Variants in EIPR1 observed in about 807,000 individuals in gnomAD.
The protein encoded by EIPR1 is EARP and GARP complex-interacting protein 1.
In EIPR1, 25 loss-of-function variants were observed where a neutral mutation model predicts 48.1. The observed-to-expected ratio is 0.52, with a 90% confidence interval of 0.38 to 0.73. The LOEUF is 0.73. EIPR1 is among the 30% of genes least tolerant of loss of function. The pLI is 0.00. For missense variants in EIPR1, 415 were observed against 506.2 expected (o/e 0.82, Z 1.73); for synonymous variants, 204 against 201.9 (o/e 1.01, Z -0.09).
chr2:3,245,473 A>G (rs1477497948), intron 4 of EIPR1, among the ~76,000 whole-genome samples: 2 of 152,212 alleles, frequency 1.3e-5, no homozygotes, highest in African/African-American at 4.8e-5. Context: ...TTGGCCTCCC[A>G]AAATGTTGAG....
chr2:3,289,660 C>T (rs1386747980), intron 3 of EIPR1, among the ~76,000 whole-genome samples: 1 of 152,228 alleles, frequency 6.6e-6, no homozygotes, highest in African/African-American at 2.4e-5. Context: ...GGTGTGTCAA[C>T]AGCACCCAAT....
chr2:3,296,280 C>T (rs1406438772), intron 3 of EIPR1, among the ~76,000 whole-genome samples: 2 of 113,848 alleles, frequency 1.8e-5, no homozygotes, highest in Non-Finnish European at 1.8e-5. Flanking sequence ...ATCCTCACCA[C>T]ACACAGACAC....
intron 3 of EIPR1, among the ~76,000 whole-genome samples, chr2:3,277,157 C>T (rs1667873216): frequency 6.6e-6 from 1 of 152,072 alleles, no homozygotes; most frequent in African/African-American, 2.4e-5. Flanking sequence ...GGGGAGAAAC[C>T]ACAGAAATCC....
rs1279301750 is a variant in EIPR1 at position 3,336,948 on chromosome 2, GGGAAGAGAAAAGGGAAA to G, written c.259+1052_259+1068del. 1.1e-3 allele frequency among the ~76,000 whole-genome samples: 111 copies of G among 105,264 alleles called. 2 individuals carry two copies. Among genetic ancestry groups the G allele is most frequent in the African/African-American group, 3.0e-3 (79 of 26,306 alleles). 69.1% of individuals were successfully genotyped at this position (105,264 alleles called of 152,430 possible). A position where few individuals can be genotyped will look rare whatever the true frequency, so the allele number is the denominator to read the frequency against. ...GAAGGGAAGGGAAAAGGGAAGGGAA[GGGAAGAGAAAAGGGAAA>G]GGAAGGGAAAAGGGAAGGGAAAGGA... On this transcript the variant is annotated intron_variant, in intron 3 of 8. Transcript: ENST00000382125.
chr2:3,245,887 C>T (rs925772395), intron 4 of EIPR1, among the ~76,000 whole-genome samples: 1 of 152,186 alleles, frequency 6.6e-6, no homozygotes, highest in Non-Finnish European at 1.5e-5. Flanking sequence ...AGGGAGACCT[C>T]ATCTCTGCCT....
intron 4 of EIPR1, among the ~76,000 whole-genome samples, chr2:3,222,387 G>C (rs1665924196): frequency 6.6e-6 from 1 of 152,136 alleles, no homozygotes; most frequent in African/African-American, 2.4e-5. Context: ...ATATTTCTCA[G>C]TCATATTATC....
chr2:3,240,712 C>T (rs77734025), intron 4 of EIPR1, among the ~76,000 whole-genome samples: 1,183 of 95,466 alleles, frequency 0.012, no homozygotes, highest in Admixed American at 0.018. Context: ...CAGCAGATCC[C>T]TCCTAAAGCA....
At chr2:3,360,479 C>T (rs1670826252) in intron 1 of EIPR1, among the ~76,000 whole-genome samples, 1 of 152,028 alleles carries the variant, frequency 6.6e-6, no homozygotes, top group Admixed American at 6.6e-5. Flanking sequence ...AGTCTGCCAC[C>T]ACCCTGTAGG....
chr2:3,375,776 A>G (rs551481380), intron 1 of EIPR1, among the ~76,000 whole-genome samples: 3 of 152,202 alleles, frequency 2.0e-5, no homozygotes, highest in Non-Finnish European at 4.4e-5. Flanking sequence ...AGGAACAATA[A>G]CACCTACCAA....
chr2:3,347,486 A>C (rs1371965784), intron 2 of EIPR1, among the ~76,000 whole-genome samples: 1 of 152,150 alleles, frequency 6.6e-6, no homozygotes, highest in East Asian at 1.9e-4. Flanking sequence ...GTAAGATGTG[A>C]CTTGCTCCTC....
chr2:3,377,801 A>T lies in EIPR1; in HGVS notation c.-112T>A. On this transcript the variant is annotated 5_prime_UTR_variant, in exon 1 of 9. Transcript: ENST00000382125. Reference sequence around the variant, plus strand: ...CAGCGCCCATTCATTCCCTCCCCGCAGCAAACGACTCCAAACTGGAAGTCT... The same window carrying T: ...CAGCGCCCATTCATTCCCTCCCCGCTGCAAACGACTCCAAACTGGAAGTCT... The T allele has an allele frequency of 1.8e-5, 22 of 1,244,780 alleles. No homozygotes were observed. The highest frequency in any genetic ancestry group is 2.4e-5 in the Non-Finnish European group (21 of 887,068). 77.1% of individuals were successfully genotyped at this position (1,244,780 alleles called of 1,614,324 possible). A position where few individuals can be genotyped will look rare whatever the true frequency, so the allele number is the denominator to read the frequency against.
chr2:3,366,679 A>T (rs968791299), intron 1 of EIPR1, among the ~76,000 whole-genome samples: 3 of 152,258 alleles, frequency 2.0e-5, no homozygotes, highest in Non-Finnish European at 2.9e-5. Flanking sequence ...AACTGCAAAT[A>T]AAAAAAGACC....
intron 4 of EIPR1, among the ~76,000 whole-genome samples, chr2:3,216,406 A>G (rs1665638136): frequency 6.6e-6 from 1 of 152,194 alleles, no homozygotes; most frequent in Non-Finnish European, 1.5e-5. Flanking sequence ...GTGACTTCTC[A>G]GCATGGTACC....
At chr2:3,307,743 G>A (rs1210908446) in intron 3 of EIPR1, among the ~76,000 whole-genome samples, 1 of 152,236 alleles carries the variant, frequency 6.6e-6, no homozygotes, top group East Asian at 1.9e-4. Context: ...TATAAACATA[G>A]TTATATGGAA....
At chr2:3,240,401 GC>G (rs1233421162) in intron 4 of EIPR1, among the ~76,000 whole-genome samples, 1 of 150,414 alleles carries the variant, frequency 6.6e-6, no homozygotes, top group Non-Finnish European at 1.5e-5. Flanking sequence ...CTAAAGCAAA[GC>G]CAGCAGATCC....
intron 3 of EIPR1, among the ~76,000 whole-genome samples, chr2:3,308,062 G>A (rs376564742): frequency 7.2e-5 from 11 of 152,292 alleles, no homozygotes; most frequent in African/African-American, 2.6e-4. Context: ...ACATTCCAGC[G>A]CTGGCCGACG....
intron 3 of EIPR1, among the ~76,000 whole-genome samples, chr2:3,292,826 A>G (rs995985384): frequency 7.9e-5 from 12 of 152,064 alleles, no homozygotes; most frequent in Non-Finnish European, 1.2e-4. Flanking sequence ...ACTGAAAATA[A>G]TGAGATATGA....
intron 5 of EIPR1, among the ~76,000 whole-genome samples, chr2:3,204,950 G>A (rs1665178328): frequency 6.6e-6 from 1 of 152,026 alleles, no homozygotes; most frequent in South Asian, 2.1e-4. Flanking sequence ...ACTACTTGCA[G>A]GCCGCACTCA....
chr2:3,299,442 T>C (rs1422329087), intron 3 of EIPR1, among the ~76,000 whole-genome samples: 1 of 152,170 alleles, frequency 6.6e-6, no homozygotes, highest in South Asian at 2.1e-4. Context: ...GTGATCTGAC[T>C]GGGCGCGGCC....
Sources: gnomAD v4.1 joint callset for allele counts (sites outside exome capture counted in the v4.1 genomes callset) on GRCh38, gnomAD v4.1.1 for gene constraint, MANE v1.5 for transcripts, NCBI Gene and HGNC (gene_info 2026-07-23, HGNC 2026-07-21) for gene names.